The following ATP11C variants were observed in gnomAD, a reference collection of about 807,000 sequenced individuals.
ATP11C encodes the protein phospholipid-transporting ATPase IG.
A neutral mutation model predicts 97.4 loss-of-function variants in ATP11C; 36 were observed. The ratio of observed to expected loss-of-function variants is 0.37; its 90% CI spans 0.28 to 0.49. The LOEUF (loss-of-function observed/expected upper bound fraction) is 0.49. ATP11C is among the 20% of genes least tolerant of loss of function. The probability of loss-of-function intolerance (pLI) is 0.98; values close to 1 mark genes in which losing one functional copy is unlikely to be tolerated. For missense variants in ATP11C, 730 were observed against 824.6 expected (o/e 0.89, Z 1.40); for synonymous variants, 275 against 290.9 (o/e 0.95, Z 0.56).
At chrX:139,797,147 G>C (rs752008301) in intron 11 of ATP11C, 29 bp downstream of exon 11, 25 of 1,189,429 alleles carry the variant, frequency 2.1e-5, no homozygotes, top group Non-Finnish European at 2.7e-5. Flanking sequence ...ACAAAAAATA[G>C]TTTCAATTTT....
At chrX:139,834,242 C>T (rs2083711372) in intron 1 of ATP11C, among the ~76,000 whole-genome samples, 1 of 111,627 alleles carries the variant, frequency 9.0e-6, no homozygotes, top group South Asian at 3.8e-4. Context: ...TGACAAGTGC[C>T]ATGTTTGATG....
At chrX:139,778,301 T>C (rs1465812433) in intron 18 of ATP11C, among the ~76,000 whole-genome samples, 1 of 111,863 alleles carries the variant, frequency 8.9e-6, no homozygotes, top group Non-Finnish European at 1.9e-5. Flanking sequence ...CTATAAGAAA[T>C]GCTTAAAGGA....
chrX:139,756,341 T>C (rs2081934874), intron 23 of ATP11C, among the ~76,000 whole-genome samples: 1 of 111,986 alleles, frequency 8.9e-6, no homozygotes, highest in Non-Finnish European at 1.9e-5. Context: ...GCTGGCAAGG[T>C]TGCAGAGAAA....
intron 1 of ATP11C, among the ~76,000 whole-genome samples, chrX:139,925,668 G>A (rs932536132): frequency 6.2e-5 from 7 of 112,048 alleles, no homozygotes; most frequent in African/African-American, 2.3e-4. Context: ...CCTTGGTAAA[G>A]AGAAAGGGAC....
At chrX:139,758,604 A>G (rs773718913) in intron 22 of ATP11C, among the ~76,000 whole-genome samples, 1 of 112,234 alleles carries the variant, frequency 8.9e-6, no homozygotes, top group East Asian at 2.8e-4. Context: ...CTGGGAATTC[A>G]TAAGGTAGTA....
chrX:139,935,507 G>A (rs147694017), upstream of ATP11C, among the ~76,000 whole-genome samples: 219 of 111,340 alleles, frequency 2.0e-3, 5 homozygotes, highest in East Asian at 0.055. Flanking sequence ...GGAGGTGTAG[G>A]TTGCAGTGAG....
intron 1 of ATP11C, among the ~76,000 whole-genome samples, chrX:139,903,783 A>C (rs767712505): frequency 3.0e-4 from 33 of 110,633 alleles, no homozygotes; most frequent in South Asian, 2.7e-3. Flanking sequence ...TTGAAAAGTA[A>C]ATTTCTGGGT....
At chrX:139,740,334 T>G (rs1450586821) in intron 27 of ATP11C, among the ~76,000 whole-genome samples, 1 of 111,746 alleles carries the variant, frequency 8.9e-6, no homozygotes, top group Non-Finnish European at 1.9e-5. Context: ...CTATTCTCCT[T>G]GAGTACAGTC....
intron 18 of ATP11C, among the ~76,000 whole-genome samples, chrX:139,780,935 G>A (rs942940875): frequency 4.5e-5 from 5 of 111,367 alleles, no homozygotes; most frequent in Non-Finnish European, 9.4e-5. Context: ...GGGGGAAGAC[G>A]GGAGGGGAGT....
At chrX:139,809,215 T>C (rs2083113551) in intron 5 of ATP11C, among the ~76,000 whole-genome samples, 1 of 111,958 alleles carries the variant, frequency 8.9e-6, no homozygotes, top group South Asian at 3.7e-4. Flanking sequence ...GATACTTATA[T>C]ACCAATGTTC....
At chrX:139,800,760 A>C (rs72616302) in intron 7 of ATP11C, among the ~76,000 whole-genome samples, 2,900 of 112,038 alleles carry the variant, frequency 0.026, 102 homozygotes, top group East Asian at 0.17. Context: ...GTGTATGGTA[A>C]CCTGTATTTC....
intron 1 of ATP11C, among the ~76,000 whole-genome samples, chrX:139,914,848 G>A (rs1288924069): frequency 8.9e-6 from 1 of 111,740 alleles, no homozygotes; most frequent in East Asian, 2.8e-4. Context: ...AAACCCATGA[G>A]CCAATTCCTT....
intron 27 of ATP11C, among the ~76,000 whole-genome samples, chrX:139,740,544 A>G (rs182636544): frequency 1.6e-3 from 184 of 112,231 alleles, no homozygotes; most frequent in African/African-American, 5.8e-3. Flanking sequence ...TATATATCCT[A>G]TACCCTGAGC....
At chrX:139,935,921 G>A (rs954913260), upstream of ATP11C, among the ~76,000 whole-genome samples, 11 of 110,420 alleles carry the variant, frequency 1.0e-4, no homozygotes, top group South Asian at 3.9e-4. Context: ...ACTCGAACCC[G>A]GGAGGTGGAG....
At chrX:139,810,984 G>A (rs969459049) in intron 5 of ATP11C, among the ~76,000 whole-genome samples, 6 of 109,788 alleles carry the variant, frequency 5.5e-5, no homozygotes, top group Non-Finnish European at 1.1e-4. Flanking sequence ...AACTTCTTGA[G>A]AGCATGAACC....
At chrX:139,782,758 T>C (rs370178756) in intron 17 of ATP11C, 30 bp from the exon 18 acceptor site, 20 of 1,040,588 alleles carry the variant, frequency 1.9e-5, no homozygotes, top group Non-Finnish European at 1.7e-5. Flanking sequence ...TCTGTAGTTA[T>C]TCTAATAATA....
intron 1 of ATP11C, among the ~76,000 whole-genome samples, chrX:139,913,872 G>A (rs1218847427): frequency 1.8e-5 from 2 of 111,617 alleles, no homozygotes; most frequent in African/African-American, 3.3e-5. Context: ...ATTTGTCAAT[G>A]TTCCCATCCA....
At position 139,741,062 on chromosome X, in the gene ATP11C, T is replaced by C. The variant is rs151005790; in HGVS notation, c.3063A>G (p.Ile1021Met). The change falls in exon 27 of 30, where the codon ATA (isoleucine) becomes ATG (methionine). Residue 1021 changes from isoleucine to methionine, a missense_variant. By Grantham distance (10) the Ile-to-Met change is conservative. Transcript: ENST00000682941. ...LALDTRFWTW[I>M]NHFVIWGSLA... The stretch of plus-strand genomic sequence containing the variant: ...AAGAACCCCAAATCACAAAGTGATT[T>C]ATCCACGTCCAGAATCGGGTATCCA... 14 of 1,204,526 alleles carry C rather than the reference T, an allele frequency of 1.2e-5. No individual in the cohort carries two copies. In the African/African-American group the frequency reaches 1.6e-4, roughly 14 times the overall value.
chrX:139,881,213 TCAC>T (rs1432873920), intron 1 of ATP11C, among the ~76,000 whole-genome samples: 1 of 111,465 alleles, frequency 9.0e-6, no homozygotes, highest in Non-Finnish European at 1.9e-5. Flanking sequence ...CCATTAATCA[TCAC>T]CACATTACGA....
Sources: gnomAD v4.1 joint callset for allele counts (sites outside exome capture counted in the v4.1 genomes callset) on GRCh38, gnomAD v4.1.1 for gene constraint, MANE v1.5 for transcripts, NCBI Gene and HGNC (gene_info 2026-07-23, HGNC 2026-07-21) for gene names.